Variants in NEDD4 observed in about 807,000 individuals in gnomAD.
NEDD4 encodes E3 ubiquitin-protein ligase NEDD4.
Under a neutral mutation model 144.9 loss-of-function variants are expected in NEDD4, and 99 were observed. That is an observed-to-expected ratio of 0.68 (90% CI 0.58 to 0.81). The LOEUF (loss-of-function observed/expected upper bound fraction) is 0.81, where lower values mean the gene tolerates loss of function less well. Among genes scored for constraint, NEDD4 ranks in the 30% least tolerant of loss-of-function variants. The pLI is 0.00. For missense variants in NEDD4, 985 were observed against 1,065.9 expected (o/e 0.92, Z 1.06); for synonymous variants, 318 against 350.6 (o/e 0.91, Z 1.04).
At position 55,838,157 on chromosome 15, in the gene NEDD4, AT is replaced by A; in HGVS notation, c.2150del (p.Asn717MetfsTer6). On this transcript the variant is annotated frameshift_variant, in exon 23 of 29. Transcript: ENST00000435532. LOFTEE classifies it high-confidence loss of function. ...TGGTGACAACTATTTCTGATCCACC[AT>A]TTTTCAGCTCATGTTGATGTGTCTA... ...FGQTHQHELK[N>X]GGSEIVVTNK... The A allele has an allele frequency of 1.9e-6, 3 of 1,597,788 alleles. No homozygotes were observed. Among genetic ancestry groups the A allele is most frequent in the Non-Finnish European group, 2.6e-6 (3 of 1,169,864 alleles).
chr15:55,957,376 T>C (rs1049593682), intron 2 of NEDD4, among the ~76,000 whole-genome samples: 2 of 152,198 alleles, frequency 1.3e-5, no homozygotes, highest in African/African-American at 2.4e-5. Context: ...CTGAGTTAAG[T>C]AGAGGGGCTT....
At chr15:55,922,681 G>GAT (rs1378779474) in intron 5 of NEDD4, among the ~76,000 whole-genome samples, 29 of 152,022 alleles carry the variant, frequency 1.9e-4, no homozygotes, top group Admixed American at 1.1e-3. Context: ...GTTTTTTGGG[G>GAT]ATATATATAC....
chr15:55,904,149 T>C (rs1454693008), intron 5 of NEDD4, among the ~76,000 whole-genome samples: 1 of 151,876 alleles, frequency 6.6e-6, no homozygotes, highest in African/African-American at 2.4e-5. Context: ...AGAGCAAGAC[T>C]GCATCTCAAA....
chr15:55,978,476 A>T (rs2037742260), intron 1 of NEDD4, among the ~76,000 whole-genome samples: 1 of 152,186 alleles, frequency 6.6e-6, no homozygotes, highest in African/African-American at 2.4e-5. Flanking sequence ...CACATGTTTG[A>T]AAAGGAGGGA....
intron 9 of NEDD4, 105 bp from the exon 10 acceptor site, chr15:55,860,883 A>C: frequency 1.0e-6 from 1 of 962,126 alleles, no homozygotes; most frequent in East Asian, 2.4e-5. Context: ...CATCAATAAA[A>C]AAATTTATTG....
chr15:55,867,494 T>C (rs900975692), intron 8 of NEDD4, among the ~76,000 whole-genome samples: 1 of 152,202 alleles, frequency 6.6e-6, no homozygotes. Flanking sequence ...AATGAAATGC[T>C]GTTAAATTTT....
intron 5 of NEDD4, among the ~76,000 whole-genome samples, chr15:55,880,069 G>A (rs1370307271): frequency 2.0e-5 from 3 of 152,066 alleles, no homozygotes; most frequent in Non-Finnish European, 2.9e-5. Flanking sequence ...CAAGGATGGC[G>A]GATCATGAGG....
chr15:55,900,772 A>G (rs145196288), intron 5 of NEDD4, among the ~76,000 whole-genome samples: 191 of 152,294 alleles, frequency 1.3e-3, no homozygotes, highest in African/African-American at 4.5e-3. Context: ...CTTTGCTTTT[A>G]CCCTGTCAAC....
intron 4 of NEDD4, among the ~76,000 whole-genome samples, chr15:55,945,276 G>A (rs2037088618): frequency 6.6e-6 from 1 of 150,894 alleles, no homozygotes; most frequent in Admixed American, 6.6e-5. Flanking sequence ...AAAAAGGTTA[G>A]CCCAATGGCT....
chr15:55,953,605 C>T (rs62045207), intron 2 of NEDD4, among the ~76,000 whole-genome samples: 1 of 152,062 alleles, frequency 6.6e-6, no homozygotes, highest in East Asian at 1.9e-4. Flanking sequence ...CCGCACCCAG[C>T]TAATTTTTGT....
At position 55,966,472 on chromosome 15, in the gene NEDD4, C is replaced by A; in HGVS notation, c.119+1G>T. On this transcript the variant is annotated splice_donor_variant, in intron 2 of 28. Coordinates refer to ENST00000435532, the MANE Select transcript of NEDD4 (RefSeq NM_006154.4). LOFTEE classifies it high-confidence loss of function. The stretch of plus-strand genomic sequence containing the variant: ...ATTATAATCCAAATAGATATACTTA[C>A]CTAGCTCCCAATATATCCTTCTTGG... The A allele has an allele frequency of 6.6e-7, 1 of 1,506,046 alleles. No homozygotes were observed. The highest frequency in any genetic ancestry group is 8.9e-7 in the Non-Finnish European group (1 of 1,119,056). 93.3% of individuals were successfully genotyped at this position (1,506,046 alleles called of 1,614,324 possible). A position where few individuals can be genotyped will look rare whatever the true frequency, so the allele number is the denominator to read the frequency against.
Position 55,862,982 on chromosome 15 carries a change from T to TC in NEDD4, c.604dup (p.Asp202GlyfsTer12), listed in dbSNP as rs762682153. The TC allele has an allele frequency of 6.2e-7, 1 of 1,607,766 alleles. No individual in the cohort carries two copies. Among genetic ancestry groups the TC allele is most frequent in the Non-Finnish European group, 8.5e-7 (1 of 1,175,686 alleles). On this transcript the variant is annotated frameshift_variant, in exon 9 of 29. Coordinates refer to ENST00000435532, the MANE Select transcript of NEDD4 (RefSeq NM_006154.4). LOFTEE classifies it high-confidence loss of function. Reference sequence around the variant, plus strand: ...TACATAATAGGTCCTTCCAAGGATATCCTGCCTCTCTTCCCACCCTGGAGG... The same window carrying TC: ...TACATAATAGGTCCTTCCAAGGATATCCCTGCCTCTCTTCCCACCCTGGAGG...
chr15:55,836,394 C>T (rs556919926), intron 24 of NEDD4, among the ~76,000 whole-genome samples: 51 of 152,196 alleles, frequency 3.4e-4, no homozygotes, highest in African/African-American at 1.2e-3. Context: ...AAGTTTCACT[C>T]TGTAGCCCAG....
At chr15:55,916,094 C>T (rs1320723660) in intron 5 of NEDD4, 1 of 1,613,958 alleles carries the variant, frequency 6.2e-7, no homozygotes, top group South Asian at 1.1e-5. Context: ...ATTTCATAAT[C>T]TCTAATCCAT....
chr15:55,841,882 T>C (rs1326464259), intron 19 of NEDD4, 52 bp downstream of exon 19: 2 of 1,521,184 alleles, frequency 1.3e-6, no homozygotes, highest in African/African-American at 2.7e-5. Context: ...ACTCTTACTT[T>C]TAAAACAGTG....
At chr15:55,936,376 G>C (rs2036889278) in intron 4 of NEDD4, among the ~76,000 whole-genome samples, 1 of 151,888 alleles carries the variant, frequency 6.6e-6, no homozygotes, top group Non-Finnish European at 1.5e-5. Flanking sequence ...CCAAATTTGT[G>C]TGCGTATGTA....
intron 4 of NEDD4, among the ~76,000 whole-genome samples, chr15:55,942,528 C>T (rs2037026199): frequency 6.6e-6 from 1 of 152,128 alleles, no homozygotes; most frequent in Non-Finnish European, 1.5e-5. Context: ...TCATTCTCCT[C>T]CTCCTTCTCT....
intron 1 of NEDD4, among the ~76,000 whole-genome samples, chr15:55,967,113 G>A (rs557573792): frequency 6.6e-6 from 1 of 152,162 alleles, no homozygotes; most frequent in African/African-American, 2.4e-5. Flanking sequence ...TCGAACTCCT[G>A]ACCTCAGGTG....
chr15:55,863,144 T>C, intron 8 of NEDD4, 65 bp from the exon 9 acceptor site: 2 of 1,324,912 alleles, frequency 1.5e-6, no homozygotes, highest in East Asian at 5.2e-5. Flanking sequence ...AATTATATGC[T>C]AAAGGAAATT....
Sources: gnomAD v4.1 joint callset for allele counts (sites outside exome capture counted in the v4.1 genomes callset) on GRCh38, gnomAD v4.1.1 for gene constraint, MANE v1.5 for transcripts, NCBI Gene and HGNC (gene_info 2026-07-23, HGNC 2026-07-21) for gene names.